Variants in LAMC2 observed in about 807,000 individuals in gnomAD.
LAMC2 encodes laminin subunit gamma 2.
A neutral mutation model predicts 140.2 loss-of-function variants in LAMC2; 97 were observed. That is an observed-to-expected ratio of 0.69 (90% CI 0.59 to 0.82). LAMC2 has a LOEUF of 0.82. LAMC2 is among the 40% of genes least tolerant of loss of function. LAMC2 has a pLI of 0.00. For synonymous variants in LAMC2, 513 were observed against 540.2 expected (o/e 0.95, Z 0.70); for missense variants, 1,402 against 1,476.1 (o/e 0.95, Z 0.82).
chr1:183,224,039 G>C lies in LAMC2; in HGVS notation c.953+715G>C, dbSNP rs562690124. On this transcript the variant is annotated intron_variant, in intron 7 of 22. Transcript: ENST00000264144. ...CATGGTCTAGTACAATGTATAACAT[G>C]TCAAAAAGCAAGCATAATACAGTAG... 3.3e-5 allele frequency among the ~76,000 whole-genome samples: 5 copies of C among 152,242 alleles called. No homozygotes were observed. The East Asian group carries it at 9.7e-4, about 29-fold the overall frequency.
chr1:183,249,685 G>A (rs956265299), downstream of LAMC2: 1 of 41,090 alleles, frequency 2.4e-5, no homozygotes, highest in African/African-American at 1.8e-4. Flanking sequence ...AGTAGGGCGT[G>A]TGTGTGTGTG....
At chr1:183,245,985 T>C (rs1234433183), downstream of LAMC2, among the ~76,000 whole-genome samples, 1 of 152,126 alleles carries the variant, frequency 6.6e-6, no homozygotes, top group Non-Finnish European at 1.5e-5. Context: ...CTTACTAACA[T>C]GGTGAAACCC....
At chr1:183,220,557 C>A (rs1659435276) in intron 4 of LAMC2, among the ~76,000 whole-genome samples, 1 of 151,986 alleles carries the variant, frequency 6.6e-6, no homozygotes, top group Non-Finnish European at 1.5e-5. Context: ...GCCGACTACT[C>A]AGATGCCAGA....
chr1:183,244,856 T>C lies in LAMC2; in HGVS notation c.*1456T>C, dbSNP rs886045642. ...GGTGCTGCCTTGCTTCTGTATTTCC[T>C]TGGATTTTCCTGAAAGTGTTTTTAA... On this transcript the variant is annotated 3_prime_UTR_variant, in exon 23 of 23. Coordinates refer to ENST00000264144, the MANE Select transcript of LAMC2 (RefSeq NM_005562.3). 2 of 152,624 alleles carry C rather than the reference T, an allele frequency of 1.3e-5. No homozygotes were observed. The highest frequency in any genetic ancestry group is 1.9e-4 in the East Asian group (1 of 5,202). The allele number at this position is 152,624 out of a possible 1,614,324, so 9.5% of individuals were successfully genotyped here. A position where few individuals can be genotyped will look rare whatever the true frequency, so the allele number is the denominator to read the frequency against.
intron 2 of LAMC2, among the ~76,000 whole-genome samples, chr1:183,213,122 A>T (rs1008541747): frequency 2.0e-5 from 3 of 152,252 alleles, no homozygotes; most frequent in Admixed American, 6.5e-5. Flanking sequence ...AGTTCCTATT[A>T]TGCAGAAATT....
At chr1:183,201,247 G>T (rs573981420) in intron 1 of LAMC2, among the ~76,000 whole-genome samples, 10 of 152,116 alleles carry the variant, frequency 6.6e-5, no homozygotes, top group Non-Finnish European at 1.5e-4. Flanking sequence ...TGCTTGTTTT[G>T]TTTACTGACC....
At chr1:183,189,509 G>T (rs1445690385) in intron 1 of LAMC2, among the ~76,000 whole-genome samples, 3 of 152,178 alleles carry the variant, frequency 2.0e-5, no homozygotes, top group Admixed American at 6.5e-5. Flanking sequence ...TCCAGCCTGG[G>T]TGACAAAGCG....
intron 1 of LAMC2, among the ~76,000 whole-genome samples, chr1:183,194,250 GA>G (rs112301239): frequency 0.17 from 21,951 of 132,464 alleles, 1,577 homozygotes; most frequent in East Asian, 0.23. Flanking sequence ...TCTTTTTTCT[GA>G]AAAAAAAAAA....
At chr1:183,227,815 AAATGTGCTC>A in intron 10 of LAMC2, 118 bp downstream of exon 10, 8 of 901,668 alleles carry the variant, frequency 8.9e-6, no homozygotes, top group Admixed American at 8.0e-5. Flanking sequence ...GGGTTCACCC[AAATGTGCTC>A]ACTCTAAAGA....
Position 183,223,303 on chromosome 1 carries a change from T to C in LAMC2, c.932T>C (p.Leu311Pro). ...MPLGKTLPCG[L>P]TKTYTFRLNE... is the part of the protein sequence containing the mutation. The stretch of plus-strand genomic sequence containing the variant: ...CTTGGCAAGACACTGCCTTGTGGGC[T>C]CACCAAGACTTACACATTCAGGTAA... The change falls in exon 7 of 23, where the codon CTC (leucine) becomes CCC (proline). Residue 311 changes from leucine (L) to proline (P), a missense_variant. Coordinates refer to ENST00000264144, the MANE Select transcript of LAMC2 (RefSeq NM_005562.3). 1.2e-6 allele frequency: 2 copies of C among 1,614,210 alleles called. No individual in the cohort carries two copies. The highest frequency in any genetic ancestry group is 1.7e-6 in the Non-Finnish European group (2 of 1,180,030).
At chr1:183,209,186 C>G (rs903964719) in intron 2 of LAMC2, among the ~76,000 whole-genome samples, 1 of 152,006 alleles carries the variant, frequency 6.6e-6, no homozygotes, top group Non-Finnish European at 1.5e-5. Context: ...TATTATCTTT[C>G]TGGCATTATC....
At chr1:183,204,449 CA>C (rs1658818912) in intron 1 of LAMC2, among the ~76,000 whole-genome samples, 1 of 125,444 alleles carries the variant, frequency 8.0e-6, no homozygotes, top group African/African-American at 3.9e-5. Flanking sequence ...AAAAAACAAA[CA>C]AACAGAAAAA....
At position 183,207,835 on chromosome 1, in the gene LAMC2, G is replaced by GTTTTT. The variant is rs10668798; in HGVS notation, c.80-35_80-31dup. ...CACCTGCTAGAACAGTTCCTGAGGT[G>GTTTTT]TTTTTTTTTTTTTTTGACGATCTCT... On this transcript the variant is annotated intron_variant, in intron 1 of 22. Coordinates refer to ENST00000264144, the MANE Select transcript of LAMC2 (RefSeq NM_005562.3). The GTTTTT allele has an allele frequency of 1.8e-3, 2,161 of 1,185,426 alleles. 43 individuals are homozygous for GTTTTT. The African/African-American group carries it at 0.031, about 17-fold the overall frequency. 73.4% of individuals were successfully genotyped at this position (1,185,426 alleles called of 1,614,324 possible). A position where few individuals can be genotyped will look rare whatever the true frequency, so the allele number is the denominator to read the frequency against.
At position 183,215,546 on chromosome 1, in the gene LAMC2, A is replaced by G; in HGVS notation, c.362A>G (p.His121Arg). 6.2e-7 allele frequency: 1 copy of G among 1,614,212 alleles called. No homozygotes were observed. Among genetic ancestry groups the G allele is most frequent in the Non-Finnish European group, 8.5e-7 (1 of 1,180,042 alleles). ...TGCGACCGATGTCTGCCAGGCTTCCACATGCTCACGGATGCGGGGTGCACC... is the reference window on the plus strand; with the variant it reads ...TGCGACCGATGTCTGCCAGGCTTCCGCATGCTCACGGATGCGGGGTGCACC... ...ARCDRCLPGF[H>R]MLTDAGCTQD... The change falls in exon 3 of 23, where the codon CAC (histidine) becomes CGC (arginine). Residue 121 changes from histidine (H) to arginine (R), a missense_variant. His to Arg is a conservative substitution (Grantham distance 29, BLOSUM62 0). This residue lies in a region of LAMC2 where 723 missense variants were observed against 783.3 expected (regional missense o/e 0.92). Coordinates refer to ENST00000264144, the MANE Select transcript of LAMC2 (RefSeq NM_005562.3).
intron 3 of LAMC2, among the ~76,000 whole-genome samples, 186 bp from the exon 4 acceptor site, chr1:183,218,204 C>T (rs1659337598): frequency 1.3e-5 from 2 of 152,194 alleles, no homozygotes; most frequent in Non-Finnish European, 2.9e-5. Context: ...CTGAGCAGCA[C>T]TGTGTAGGCA....
chr1:183,196,383 G>T (rs1760629), intron 1 of LAMC2, among the ~76,000 whole-genome samples: 48,099 of 151,766 alleles, frequency 0.32, 7,889 homozygotes, highest in East Asian at 0.43. Context: ...GTGATTCACC[G>T]GCCTCAGCCT....
At position 183,213,461 on chromosome 1, in the gene LAMC2, C is replaced by T. The variant is rs115351289; in HGVS notation, c.269-1992C>T. 5.7e-3 allele frequency among the ~76,000 whole-genome samples: 871 copies of T among 152,276 alleles called. 16 individuals are homozygous for T. Among genetic ancestry groups the T allele is most frequent in the African/African-American group, 0.019 (791 of 41,562 alleles). On this transcript the variant is annotated intron_variant, in intron 2 of 22. Transcript: ENST00000264144. ...AAAAAACAAACATGTAGCGACTGGT[C>T]AATGTTCCCTTGGCTTCATAGACTA...
chr1:183,232,685 A>C lies in LAMC2; in HGVS notation c.2048A>C (p.Lys683Thr), dbSNP rs1465887101. ...ASRSLGLQLA[K>T]VRSQENSYQS... ...AGATCCCTTGGTCTCCAGTTGGCCA[A>C]GGTGAGGAGCCAAGAGAACAGCTAC... Residue 683 changes from lysine (K) to threonine (T), a missense_variant, in exon 14 of 23, where the codon AAG becomes ACG. Lys to Thr is a moderately conservative substitution (Grantham distance 78, BLOSUM62 -1). Transcript: ENST00000264144. The C allele has an allele frequency of 6.2e-7, 1 of 1,613,392 alleles. No individual in the cohort carries two copies. Among genetic ancestry groups the C allele is most frequent in the Admixed American group, 1.7e-5 (1 of 60,012 alleles).
At chr1:183,192,830 G>A (rs151327696) in intron 1 of LAMC2, among the ~76,000 whole-genome samples, 129 of 152,186 alleles carry the variant, frequency 8.5e-4, no homozygotes, top group South Asian at 3.9e-3. Flanking sequence ...TCAGCTTCCC[G>A]GGTAGCTGGG....
Sources: gnomAD v4.1 joint callset for allele counts (sites outside exome capture counted in the v4.1 genomes callset) on GRCh38, gnomAD v4.1.1 for gene constraint, gnomAD v4.1.1 regional missense constraint, MANE v1.5 for transcripts, NCBI Gene and HGNC (gene_info 2026-07-23, HGNC 2026-07-21) for gene names.